MCTP1: variants seen among roughly 807,000 people sequenced by gnomAD.
MCTP1 encodes multiple C2 and transmembrane domain containing 1.
Under a neutral mutation model 120.6 loss-of-function variants are expected in MCTP1, and 69 were observed. The observed-to-expected ratio is 0.57, with a 90% confidence interval of 0.47 to 0.70. The LOEUF (loss-of-function observed/expected upper bound fraction) is 0.70. MCTP1 is among the 30% of genes least tolerant of loss of function. The pLI is 0.00. For missense variants in MCTP1, 1,203 were observed against 1,248.8 expected (o/e 0.96, Z 0.55); for synonymous variants, 529 against 493.1 (o/e 1.07, Z -0.96).
intron 1 of MCTP1, among the ~76,000 whole-genome samples, chr5:95,127,163 T>C (rs1053659593): frequency 1.3e-5 from 2 of 152,016 alleles, no homozygotes; most frequent in African/African-American, 2.4e-5. Flanking sequence ...ACAAATAAAA[T>C]ATTCTTGAAG....
rs868270353 is a variant in MCTP1 at position 94,765,700 on chromosome 5, T to A, written c.2610+13410A>T. On this transcript the variant is annotated intron_variant, in intron 19 of 22. Coordinates refer to ENST00000515393, the MANE Select transcript of MCTP1 (RefSeq NM_024717.7). ...TGGGCAACAAGAGGGAAACTCCATC[T>A]CAAAAAAGAAAAAAAAAAAAAAAAG... 1.4e-3 allele frequency among the ~76,000 whole-genome samples: 109 copies of A among 78,132 alleles called. No individual in the cohort carries two copies. In the Middle Eastern group the frequency reaches 0.043, roughly 31 times the overall value. 51.3% of individuals were successfully genotyped at this position (78,132 alleles called of 152,430 possible).
chr5:94,800,644 A>T (rs1281854163), intron 17 of MCTP1, among the ~76,000 whole-genome samples: 1 of 152,158 alleles, frequency 6.6e-6, no homozygotes, highest in Non-Finnish European at 1.5e-5. Context: ...ATCATCTTTA[A>T]TATTTCTCTA....
chr5:95,246,156 T>A (rs901979970), intron 1 of MCTP1, among the ~76,000 whole-genome samples: 1 of 152,066 alleles, frequency 6.6e-6, no homozygotes, highest in Non-Finnish European at 1.5e-5. Flanking sequence ...CAGGCCTGCA[T>A]TACAAGAGCT....
At chr5:94,708,419 C>T (rs2152522960) in intron 22 of MCTP1, 93 bp downstream of exon 22, 1 of 792,244 alleles carries the variant, frequency 1.3e-6, no homozygotes, top group Non-Finnish European at 2.0e-6. Context: ...CTCAGCTCTT[C>T]TAAAGCCTTT....
At chr5:95,247,241 C>T (rs418977) in intron 1 of MCTP1, among the ~76,000 whole-genome samples, 22,762 of 151,816 alleles carry the variant, frequency 0.15, 1,829 homozygotes, top group Non-Finnish European at 0.19. Context: ...GGTGATGTCC[C>T]CTGTATCATT....
chr5:95,051,438 G>A (rs762591501), intron 1 of MCTP1, among the ~76,000 whole-genome samples: 26 of 152,146 alleles, frequency 1.7e-4, no homozygotes, highest in Admixed American at 3.3e-4. Context: ...ATCTGTGACA[G>A]TGATTCTGTC....
intron 17 of MCTP1, among the ~76,000 whole-genome samples, chr5:94,834,814 T>C (rs906288937): frequency 2.2e-3 from 21 of 9,398 alleles, no homozygotes; most frequent in Non-Finnish European, 6.7e-3. Flanking sequence ...CATTCTCTCT[T>C]TTTTTTTTTT....
intron 3 of MCTP1, among the ~76,000 whole-genome samples, chr5:94,950,946 CAAA>C (rs1186726298): frequency 1.5e-4 from 16 of 107,426 alleles, no homozygotes; most frequent in Non-Finnish European, 1.4e-4. Context: ...GACTCTGTCT[CAAA>C]AAAAAAAAAA....
intron 1 of MCTP1, among the ~76,000 whole-genome samples, chr5:95,185,977 G>A (rs1395135274): frequency 6.6e-6 from 1 of 151,912 alleles, no homozygotes; most frequent in Admixed American, 6.6e-5. Flanking sequence ...GCAATAGAGA[G>A]AGACTCCATC....
At chr5:94,746,372 T>A (rs1440817060) in intron 19 of MCTP1, among the ~76,000 whole-genome samples, 1 of 152,242 alleles carries the variant, frequency 6.6e-6, no homozygotes, top group African/African-American at 2.4e-5. Context: ...CATGTTTGAC[T>A]CATTTTCTCC....
At chr5:94,742,549 T>C (rs566928065) in intron 19 of MCTP1, among the ~76,000 whole-genome samples, 33 of 152,272 alleles carry the variant, frequency 2.2e-4, no homozygotes, top group African/African-American at 7.9e-4. Context: ...GAGCTTGCCT[T>C]GGAAAGAGAA....
At chr5:95,200,904 TG>T (rs1392508381) in intron 1 of MCTP1, among the ~76,000 whole-genome samples, 2 of 150,680 alleles carry the variant, frequency 1.3e-5, no homozygotes, top group African/African-American at 2.4e-5. Flanking sequence ...ATGTTGTACA[TG>T]ATAAACATAT....
At chr5:95,182,553 A>G (rs1748720118) in intron 1 of MCTP1, among the ~76,000 whole-genome samples, 1 of 152,218 alleles carries the variant, frequency 6.6e-6, no homozygotes, top group Admixed American at 6.5e-5. Context: ...AGATTTTTTA[A>G]TATCAAAATG....
intron 2 of MCTP1, among the ~76,000 whole-genome samples, chr5:94,953,665 CAA>C (rs1222382654): frequency 6.7e-6 from 1 of 150,016 alleles, no homozygotes; most frequent in Non-Finnish European, 1.5e-5. Context: ...ATCATTTTAT[CAA>C]AAAGATACCT....
At chr5:95,216,626 C>A (rs1425962147) in intron 1 of MCTP1, among the ~76,000 whole-genome samples, 2 of 148,344 alleles carry the variant, frequency 1.3e-5, no homozygotes, top group African/African-American at 4.9e-5. Flanking sequence ...TATCACAGCA[C>A]TCTAAGAAGT....
At chr5:95,114,393 G>A (rs940387186) in intron 1 of MCTP1, among the ~76,000 whole-genome samples, 1 of 152,182 alleles carries the variant, frequency 6.6e-6, no homozygotes, top group East Asian at 1.9e-4. Context: ...GGCATCCTTC[G>A]ACCTGCCCTT....
At chr5:95,171,063 C>T (rs1286025894) in intron 1 of MCTP1, among the ~76,000 whole-genome samples, 5 of 151,978 alleles carry the variant, frequency 3.3e-5, no homozygotes, top group Non-Finnish European at 7.4e-5. Flanking sequence ...TGTTCCTTTC[C>T]ATGTTTAGTG....
At chr5:95,239,841 T>A (rs1755962549) in intron 1 of MCTP1, among the ~76,000 whole-genome samples, 2 of 152,172 alleles carry the variant, frequency 1.3e-5, no homozygotes, top group African/African-American at 4.8e-5. Context: ...ATCTCTCTCC[T>A]CACACTTTTT....
chr5:94,942,439 A>C lies in MCTP1; in HGVS notation c.982-12T>G, dbSNP rs1196936448. 12 of 1,583,964 alleles carry C rather than the reference A, an allele frequency of 7.6e-6. No individual in the cohort carries two copies. Among genetic ancestry groups the C allele is most frequent in the Non-Finnish European group, 1.0e-5 (12 of 1,154,542 alleles). On this transcript the variant is annotated splice_polypyrimidine_tract_variant and intron_variant, in intron 3 of 22. Transcript: ENST00000515393. ...TCATAGTCAAATACCTGAGATGCCA[A>C]AGAGAAAAAGCCTTGTTATAAATAT...
Sources: allele counts gnomAD v4.1 joint callset (sites outside exome capture counted in the v4.1 genomes callset), GRCh38; gene constraint gnomAD v4.1.1; transcripts MANE v1.5; gene names NCBI Gene and HGNC (gene_info 2026-07-23, HGNC 2026-07-21).